The following PPFIBP2 variants were observed in gnomAD, a reference collection of about 807,000 sequenced individuals.
PPFIBP2 encodes the protein liprin-beta-2.
Under a neutral mutation model 118.3 loss-of-function variants are expected in PPFIBP2, and 118 were observed. The observed-to-expected ratio is 1.00, with a 90% confidence interval of 0.86 to 1.16. The LOEUF (loss-of-function observed/expected upper bound fraction) is 1.16. PPFIBP2 is among the 50% of genes most tolerant of loss of function. The pLI, the probability that PPFIBP2 is intolerant of heterozygous loss-of-function variation, is 0.00. For missense variants in PPFIBP2, 1,195 were observed against 1,073.1 expected (o/e 1.11, Z -1.59); for synonymous variants, 414 against 397.4 (o/e 1.04, Z -0.50).
At chr11:7,603,899 A>C (rs1370407870) in intron 5 of PPFIBP2, among the ~76,000 whole-genome samples, 2 of 152,112 alleles carry the variant, frequency 1.3e-5, no homozygotes, top group Non-Finnish European at 2.9e-5. Flanking sequence ...GGGAACCTTC[A>C]AACAATTGGG....
chr11:7,600,244 C>T (rs1861187289), intron 5 of PPFIBP2, among the ~76,000 whole-genome samples: 1 of 152,224 alleles, frequency 6.6e-6, no homozygotes, highest in Non-Finnish European at 1.5e-5. Context: ...ATCTTCCACT[C>T]ATGTGTTCGC....
intron 23 of PPFIBP2, among the ~76,000 whole-genome samples, chr11:7,652,351 G>A (rs1170385257): frequency 2.0e-5 from 3 of 152,184 alleles, no homozygotes; most frequent in Non-Finnish European, 2.9e-5. Context: ...TACTCACTGG[G>A]GCTCCCAGAA....
intron 17 of PPFIBP2, among the ~76,000 whole-genome samples, chr11:7,643,677 G>A (rs1024727387): frequency 6.6e-6 from 1 of 152,198 alleles, no homozygotes; most frequent in Admixed American, 6.5e-5. Context: ...ATATGTTAAT[G>A]TCCTCTGGTG....
chr11:7,537,205 A>G (rs999572607), intron 1 of PPFIBP2, among the ~76,000 whole-genome samples: 1 of 152,226 alleles, frequency 6.6e-6, no homozygotes, highest in African/African-American at 2.4e-5. Flanking sequence ...GGGCAGCTTC[A>G]TTCGCTGTCA....
chr11:7,621,164 C>G (rs1266178232), intron 7 of PPFIBP2, 137 bp downstream of exon 7: 7 of 649,724 alleles, frequency 1.1e-5, no homozygotes, highest in Non-Finnish European at 1.9e-5. Flanking sequence ...CAGCAGTGCC[C>G]AGATGGTGCA....
At chr11:7,524,356 A>C (rs1305151803) in intron 1 of PPFIBP2, among the ~76,000 whole-genome samples, 1 of 152,176 alleles carries the variant, frequency 6.6e-6, no homozygotes, top group Non-Finnish European at 1.5e-5. Flanking sequence ...AGAGGTTTTT[A>C]CACAAATAAC....
intron 3 of PPFIBP2, among the ~76,000 whole-genome samples, chr11:7,578,335 A>C (rs1253354230): frequency 6.6e-6 from 1 of 152,136 alleles, no homozygotes; most frequent in Admixed American, 6.5e-5. Context: ...ACACGAAGGG[A>C]TTTTAGGCTG....
chr11:7,594,769 A>G (rs1024319480), intron 4 of PPFIBP2, among the ~76,000 whole-genome samples: 1 of 151,718 alleles, frequency 6.6e-6, no homozygotes, highest in Non-Finnish European at 1.5e-5. Context: ...ATACAAAAAT[A>G]AGCCAGGCAT....
chr11:7,563,824 A>T (rs1436838211), intron 2 of PPFIBP2, among the ~76,000 whole-genome samples: 1 of 152,128 alleles, frequency 6.6e-6, no homozygotes. Context: ...CACTGAACTT[A>T]CGGAAAGGAG....
rs1337511987 is a variant in PPFIBP2, at chr11:7,599,834, C to T, written c.486+2161C>T. ...TTTTTTTTTGTAGTTTTAGTAGAGACGGGGTTTCACCATGTTAGCCAGGAT... is the reference window on the plus strand; with the variant it reads ...TTTTTTTTTGTAGTTTTAGTAGAGATGGGGTTTCACCATGTTAGCCAGGAT... On this transcript the variant is annotated intron_variant, in intron 5 of 23. Coordinates refer to ENST00000299492, the MANE Select transcript of PPFIBP2 (RefSeq NM_003621.5). Among the ~76,000 whole-genome samples the T allele has an allele frequency of 5.6e-4, 77 of 137,250 alleles. 1 individual carries two copies. Among genetic ancestry groups the T allele is most frequent in the Non-Finnish European group, 9.2e-5 (6 of 64,888 alleles). The allele number at this position is 137,250 out of a possible 152,430, so 90.0% of individuals were successfully genotyped here.
At chr11:7,547,518 G>A (rs953801703) in intron 1 of PPFIBP2, among the ~76,000 whole-genome samples, 4 of 152,170 alleles carry the variant, frequency 2.6e-5, no homozygotes, top group African/African-American at 9.7e-5. Flanking sequence ...GTGAGAGTCT[G>A]CAGATTGTTT....
In PPFIBP2 at chr11:7,589,765, C is replaced by T. The variant is rs190894801; in HGVS notation, c.280-3367C>T. Reference sequence around the variant, plus strand: ...TATCGCTGACTTACCTAATCAGGAACATGGACAAGACTTTTCAGAGACACC... The same window carrying T: ...TATCGCTGACTTACCTAATCAGGAATATGGACAAGACTTTTCAGAGACACC... On this transcript the variant is annotated intron_variant, in intron 3 of 23. Transcript: ENST00000299492. Among the ~76,000 whole-genome samples the T allele has an allele frequency of 2.4e-3, 364 of 152,324 alleles. 4 individuals are homozygous for T. The highest frequency in any genetic ancestry group is 8.4e-3 in the African/African-American group (348 of 41,556).
intron 3 of PPFIBP2, among the ~76,000 whole-genome samples, chr11:7,585,434 CTG>C (rs1217716706): frequency 4.6e-5 from 7 of 152,196 alleles, no homozygotes; most frequent in Admixed American, 4.6e-4. Flanking sequence ...TTTGACTACT[CTG>C]GAACCAACTC....
At chr11:7,577,485 C>A in intron 3 of PPFIBP2, 1 of 443,418 alleles carries the variant, frequency 2.3e-6, no homozygotes, top group South Asian at 1.6e-5. Context: ...GCTTGGAGTT[C>A]TTGAGGGGGG....
intron 1 of PPFIBP2, among the ~76,000 whole-genome samples, chr11:7,549,130 T>C (rs1852660004): frequency 6.6e-6 from 1 of 152,222 alleles, no homozygotes; most frequent in African/African-American, 2.4e-5. Context: ...TCGGAGCTTC[T>C]GGAACCTGGG....
At chr11:7,521,203 C>T (rs2134254628) in intron 1 of PPFIBP2, among the ~76,000 whole-genome samples, 1 of 152,346 alleles carries the variant, frequency 6.6e-6, no homozygotes, top group South Asian at 2.1e-4. Context: ...GAAAGCTGAG[C>T]ATTCATTGTG....
At chr11:7,607,529 G>T (rs1412540501) in intron 5 of PPFIBP2, among the ~76,000 whole-genome samples, 1 of 152,138 alleles carries the variant, frequency 6.6e-6, no homozygotes, top group African/African-American at 2.4e-5. Flanking sequence ...ATCACCTTAA[G>T]GTGTTCAAGT....
At chr11:7,649,759 C>T in intron 21 of PPFIBP2, 105 bp downstream of exon 21, 1 of 1,485,746 alleles carries the variant, frequency 6.7e-7, no homozygotes, top group Non-Finnish European at 9.2e-7. Flanking sequence ...GTTTTTTGCA[C>T]CATGGTGCCT....
At chr11:7,564,454 T>C (rs909955926) in intron 2 of PPFIBP2, among the ~76,000 whole-genome samples, 1 of 152,092 alleles carries the variant, frequency 6.6e-6, no homozygotes, top group African/African-American at 2.4e-5. Flanking sequence ...TAAGAGCATA[T>C]AGAGATATAT....
Sources: allele counts gnomAD v4.1 joint callset (sites outside exome capture counted in the v4.1 genomes callset), GRCh38; gene constraint gnomAD v4.1.1; transcripts MANE v1.5; gene names NCBI Gene and HGNC (gene_info 2026-07-23, HGNC 2026-07-21).